Variants in KHDRBS2 observed in about 807,000 individuals in gnomAD.
KHDRBS2 encodes the protein KH domain-containing, RNA-binding, signal transduction-associated protein 2.
KHDRBS2 carries 26 observed loss-of-function variants against 44.3 expected under a neutral mutation model. The ratio of observed to expected loss-of-function variants is 0.59; its 90% CI spans 0.43 to 0.81. The LOEUF (loss-of-function observed/expected upper bound fraction) is 0.81. Among genes scored for constraint, KHDRBS2 ranks in the 40% least tolerant of loss-of-function variants. KHDRBS2 has a pLI of 0.00. For missense variants in KHDRBS2, 476 were observed against 433.1 expected (o/e 1.10, Z -0.88); for synonymous variants, 194 against 151.1 (o/e 1.28, Z -2.08).
chr6:62,074,496 C>G (rs943147116), intron 2 of KHDRBS2, among the ~76,000 whole-genome samples: 1 of 151,876 alleles, frequency 6.6e-6, no homozygotes, highest in Non-Finnish European at 1.5e-5. Flanking sequence ...TCATGTCTGG[C>G]TTTTGAGTGG....
At chr6:61,917,869 G>A (rs962484467) in intron 4 of KHDRBS2, among the ~76,000 whole-genome samples, 37 of 151,758 alleles carry the variant, frequency 2.4e-4, no homozygotes, top group African/African-American at 7.5e-4. Context: ...ATGAAATATC[G>A]ACCATTTCAT....
intron 6 of KHDRBS2, among the ~76,000 whole-genome samples, chr6:61,819,294 A>G (rs1789498430): frequency 1.3e-5 from 2 of 152,044 alleles, no homozygotes; most frequent in Admixed American, 1.3e-4. Context: ...ACCAAATTTT[A>G]ATTGATAATT....
intron 3 of KHDRBS2, among the ~76,000 whole-genome samples, chr6:62,021,285 T>C (rs558700362): frequency 8.8e-4 from 133 of 151,608 alleles, no homozygotes; most frequent in Non-Finnish European, 1.6e-3. Context: ...GAGGGAGAGA[T>C]TCAGAAAAAA....
At chr6:61,563,704 A>G in the KHDRBS2 span, among the ~76,000 whole-genome samples, 2 of 152,164 alleles carry the variant, frequency 1.3e-5, no homozygotes, top group East Asian at 3.9e-4. Flanking sequence ...CTGTAGTTGC[A>G]CTTTTTATAC....
intron 2 of KHDRBS2, among the ~76,000 whole-genome samples, chr6:62,050,839 C>T (rs953705043): frequency 1.3e-5 from 2 of 151,954 alleles, no homozygotes; most frequent in South Asian, 2.1e-4. Flanking sequence ...ACAACTTGCA[C>T]GTGAATGCTC....
intron 1 of KHDRBS2, among the ~76,000 whole-genome samples, chr6:62,215,901 C>T (rs768357182): frequency 1.3e-5 from 2 of 151,570 alleles, no homozygotes; most frequent in Non-Finnish European, 3.0e-5. Flanking sequence ...TAATACAGTA[C>T]AGGAAAAGAT....
chr6:61,647,803 T>C, the KHDRBS2 span, among the ~76,000 whole-genome samples: 1 of 152,130 alleles, frequency 6.6e-6, no homozygotes, highest in Admixed American at 6.5e-5. Flanking sequence ...GCTATTTATT[T>C]TTGCTATGAA....
intron 2 of KHDRBS2, among the ~76,000 whole-genome samples, chr6:62,158,929 T>C (rs529410868): frequency 1.1e-4 from 16 of 152,130 alleles, no homozygotes; most frequent in African/African-American, 3.4e-4. Flanking sequence ...TACTGTGAGA[T>C]AAAATTAGGA....
intron 2 of KHDRBS2, among the ~76,000 whole-genome samples, chr6:62,130,334 T>C (rs1165578981): frequency 2.6e-5 from 4 of 152,204 alleles, no homozygotes; most frequent in Non-Finnish European, 5.9e-5. Context: ...CGCTGCATAG[T>C]GCAGGATTCA....
chr6:61,639,119 A>G, the KHDRBS2 span, among the ~76,000 whole-genome samples: 1 of 152,146 alleles, frequency 6.6e-6, no homozygotes, highest in East Asian at 1.9e-4. Flanking sequence ...AAGTTCCCTT[A>G]TGAAATGAGC....
At chr6:62,006,629 C>T (rs1194705692) in intron 3 of KHDRBS2, among the ~76,000 whole-genome samples, 2 of 151,910 alleles carry the variant, frequency 1.3e-5, no homozygotes, top group East Asian at 1.9e-4. Context: ...TCTTCTATTG[C>T]TCATGGGTGA....
intron 2 of KHDRBS2, among the ~76,000 whole-genome samples, chr6:62,066,827 C>T (rs1385339498): frequency 6.6e-6 from 1 of 151,464 alleles, no homozygotes; most frequent in Non-Finnish European, 1.5e-5. Context: ...TAAGTAACTG[C>T]TTTTTTGTCC....
intron 4 of KHDRBS2, among the ~76,000 whole-genome samples, chr6:61,912,909 C>G (rs1583474523): frequency 6.6e-6 from 1 of 152,114 alleles, no homozygotes; most frequent in South Asian, 2.1e-4. Context: ...GTCTCCAACG[C>G]CATATCTCAA....
intron 3 of KHDRBS2, among the ~76,000 whole-genome samples, chr6:61,997,369 G>T (rs1032151492): frequency 3.3e-5 from 5 of 152,156 alleles, no homozygotes; most frequent in African/African-American, 1.2e-4. Flanking sequence ...AGTCAATGGA[G>T]ACCTCTAGGA....
intron 2 of KHDRBS2, among the ~76,000 whole-genome samples, chr6:62,153,001 C>T (rs1414131445): frequency 2.0e-5 from 3 of 152,212 alleles, no homozygotes. Flanking sequence ...CCACATGTGG[C>T]TCACTGGTGA....
intron 3 of KHDRBS2, among the ~76,000 whole-genome samples, chr6:62,046,531 C>A (rs1584345452): frequency 1.3e-5 from 2 of 151,796 alleles, no homozygotes; most frequent in African/African-American, 2.4e-5. Context: ...TAAAAACACA[C>A]AATATGAAGT....
At chr6:62,135,270 C>T (rs531462155) in intron 2 of KHDRBS2, among the ~76,000 whole-genome samples, 15 of 152,284 alleles carry the variant, frequency 9.9e-5, no homozygotes, top group African/African-American at 3.1e-4. Context: ...TTTTGCTTGG[C>T]TCTCATTCTC....
chr6:62,239,953 G>A (rs1420378486), intron 1 of KHDRBS2, among the ~76,000 whole-genome samples: 1 of 151,992 alleles, frequency 6.6e-6, no homozygotes, highest in Non-Finnish European at 1.5e-5. Context: ...CCAAAGTGCT[G>A]GGATTACAGG....
intron 3 of KHDRBS2, among the ~76,000 whole-genome samples, chr6:62,045,587 G>A (rs1396286533): frequency 2.0e-5 from 3 of 152,108 alleles, no homozygotes; most frequent in South Asian, 4.1e-4. Flanking sequence ...GGAAGACCTT[G>A]TATTCATTAC....
Sources: allele counts gnomAD v4.1 joint callset (sites outside exome capture counted in the v4.1 genomes callset), GRCh38; gene constraint gnomAD v4.1.1; transcripts MANE v1.5; gene names NCBI Gene and HGNC (gene_info 2026-07-23, HGNC 2026-07-21).